PPARGC1B: variants seen among roughly 807,000 people sequenced by gnomAD.
The protein encoded by PPARGC1B is PPARG coactivator 1 beta.
PPARGC1B carries 34 observed loss-of-function variants against 101.6 expected under a neutral mutation model. That is an observed-to-expected ratio of 0.33 (90% CI 0.25 to 0.45). The LOEUF is 0.45. PPARGC1B is among the 20% of genes least tolerant of loss of function. The pLI, the probability that PPARGC1B is intolerant of heterozygous loss-of-function variation, is 1.00. For missense variants in PPARGC1B, 1,234 were observed against 1,317.6 expected, an observed-to-expected ratio of 0.94 and a Z score of 0.98; for synonymous variants, 548 against 539.3, an observed-to-expected ratio of 1.02 and a Z score of -0.22.
intron 1 of PPARGC1B, among the ~76,000 whole-genome samples, chr5:149,754,685 C>G (rs1234631945): frequency 6.6e-6 from 1 of 150,908 alleles, no homozygotes; most frequent in Non-Finnish European, 1.5e-5. Context: ...GTGTCAGAGG[C>G]TGGGCTGACA....
At chr5:149,750,148 G>C (rs1431921020) in intron 1 of PPARGC1B, among the ~76,000 whole-genome samples, 1 of 152,092 alleles carries the variant, frequency 6.6e-6, no homozygotes, top group African/African-American at 2.4e-5. Context: ...AAACGAGTGG[G>C]TTTGGAAGGA....
chr5:149,751,685 G>A (rs1397450724), intron 1 of PPARGC1B, among the ~76,000 whole-genome samples: 10 of 150,578 alleles, frequency 6.6e-5, no homozygotes, highest in Admixed American at 3.3e-4. Flanking sequence ...CAGCCTGGGC[G>A]ACAGAGGAAG....
chr5:149,835,395 C>T (rs748455112), intron 7 of PPARGC1B, 30 bp downstream of exon 7: 1 of 1,601,518 alleles, frequency 6.2e-7, no homozygotes, highest in East Asian at 2.2e-5. Flanking sequence ...CTGGCAGGTG[C>T]CTTCAGGAAA....
In PPARGC1B at chr5:149,800,686, CA is replaced by C. The variant is rs562346485; in HGVS notation, c.79-19746del. Among the ~76,000 whole-genome samples the C allele has an allele frequency of 2.0e-5, 3 of 152,288 alleles. No individual in the cohort carries two copies. The South Asian group carries it at 6.2e-4, about 32-fold the overall frequency. On this transcript the variant is annotated intron_variant, in intron 1 of 11. Coordinates refer to ENST00000309241, the MANE Select transcript of PPARGC1B (RefSeq NM_133263.4). ...TGCTGTTGTCATGTGACAGATGGGG[CA>C]GGGGGAGCTGAGTCCCAACAGGTGG... is the stretch of plus-strand genomic sequence containing the variant.
intron 10 of PPARGC1B, among the ~76,000 whole-genome samples, chr5:149,843,559 C>T (rs192145741): frequency 3.3e-5 from 5 of 152,290 alleles, no homozygotes; most frequent in African/African-American, 1.2e-4. Flanking sequence ...TTAAATGATG[C>T]AGCCGATGTG....
intron 1 of PPARGC1B, among the ~76,000 whole-genome samples, chr5:149,756,622 C>T (rs1755529998): frequency 6.6e-6 from 1 of 152,170 alleles, no homozygotes; most frequent in Non-Finnish European, 1.5e-5. Flanking sequence ...ATTCTGTTGT[C>T]CCCTCCTAGA....
At chr5:149,749,965 C>G (rs1755227671) in intron 1 of PPARGC1B, among the ~76,000 whole-genome samples, 1 of 152,122 alleles carries the variant, frequency 6.6e-6, no homozygotes, top group Non-Finnish European at 1.5e-5. Context: ...ACAGATGGAG[C>G]TAGGAAACAG....
chr5:149,833,722 A>C lies in PPARGC1B; in HGVS notation c.1649A>C (p.Glu550Ala). ...PQIPALESPC[E>A]SGCGDMDEDP... ...ATCCCTGCCCTGGAGAGCCCCTGTGAGAGTGGGTGTGGGGACATGGATGAG... is the reference window on the plus strand; with the variant it reads ...ATCCCTGCCCTGGAGAGCCCCTGTGCGAGTGGGTGTGGGGACATGGATGAG... Residue 550 changes from glutamate to alanine, a missense_variant, in exon 5 of 12, where the codon GAG becomes GCG. Physicochemically the swap from Glu to Ala is moderately radical, Grantham distance 107. Transcript: ENST00000309241. This position sits in a 1 kb window ranked among gnomAD's most constrained non-coding sequence, Gnocchi z 4.1. 1.3e-6 allele frequency: 2 copies of C among 1,597,970 alleles called. No individual in the cohort carries two copies. The highest frequency in any genetic ancestry group is 1.7e-6 in the Non-Finnish European group (2 of 1,174,764).
At chr5:149,732,366 G>C (rs940111076) in intron 1 of PPARGC1B, among the ~76,000 whole-genome samples, 2 of 152,184 alleles carry the variant, frequency 1.3e-5, no homozygotes, top group Admixed American at 1.3e-4. Context: ...GAAATAGCCG[G>C]AGACTCGTTC....
At chr5:149,764,120 C>T (rs966713694) in intron 1 of PPARGC1B, among the ~76,000 whole-genome samples, 1 of 152,216 alleles carries the variant, frequency 6.6e-6, no homozygotes, top group Admixed American at 6.5e-5. Flanking sequence ...TGCACAAGCC[C>T]AGAGTAAGAA....
intron 1 of PPARGC1B, among the ~76,000 whole-genome samples, chr5:149,754,774 ATTTTTTTTTTTTTTTT>A (rs10560122): frequency 1.5e-5 from 1 of 68,408 alleles, no homozygotes; most frequent in African/African-American, 5.7e-5. Flanking sequence ...GAGCATCCTG[ATTTTTTTTTTTTTTTT>A]TTTTTTTTTT....
chr5:149,747,675 C>G (rs1213648679), intron 1 of PPARGC1B, among the ~76,000 whole-genome samples: 4 of 152,242 alleles, frequency 2.6e-5, no homozygotes, highest in Non-Finnish European at 5.9e-5. Flanking sequence ...GGCCTCCAGC[C>G]TACTCCAGCA....
chr5:149,786,449 C>T (rs938345367), intron 1 of PPARGC1B, among the ~76,000 whole-genome samples: 2 of 152,180 alleles, frequency 1.3e-5, no homozygotes, highest in Non-Finnish European at 2.9e-5. Context: ...GTTGCCCAGG[C>T]TGGTCTCAAA....
At chr5:149,827,802 C>A (rs1490473918) in intron 3 of PPARGC1B, among the ~76,000 whole-genome samples, 1 of 152,214 alleles carries the variant, frequency 6.6e-6, no homozygotes, top group African/African-American at 2.4e-5. Flanking sequence ...TCAAAGGAGT[C>A]TGGAACTCAG....
At chr5:149,769,562 C>T (rs945510953) in intron 1 of PPARGC1B, among the ~76,000 whole-genome samples, 2 of 152,148 alleles carry the variant, frequency 1.3e-5, no homozygotes, top group East Asian at 1.9e-4. Flanking sequence ...CCTCTCTGGG[C>T]TTCAGGTTTC....
chr5:149,793,229 T>C (rs180838635), intron 1 of PPARGC1B, among the ~76,000 whole-genome samples: 6 of 152,144 alleles, frequency 3.9e-5, no homozygotes, highest in Non-Finnish European at 8.8e-5. Flanking sequence ...GAGAAGTGGG[T>C]GGAGGCCATG....
At chr5:149,829,369 A>G (rs77617306) in intron 3 of PPARGC1B, among the ~76,000 whole-genome samples, 1 of 152,134 alleles carries the variant, frequency 6.6e-6, no homozygotes, top group African/African-American at 2.4e-5. Context: ...CCATCGAAAA[A>G]GTCACAAACA....
intron 1 of PPARGC1B, among the ~76,000 whole-genome samples, chr5:149,759,819 G>C (rs1288012871): frequency 6.6e-6 from 1 of 152,144 alleles, no homozygotes; most frequent in African/African-American, 2.4e-5. Context: ...CTGGGCCAGG[G>C]GCCACCCACA....
intron 1 of PPARGC1B, among the ~76,000 whole-genome samples, chr5:149,750,337 A>G (rs1032351677): frequency 4.6e-5 from 7 of 151,654 alleles, no homozygotes; most frequent in African/African-American, 1.7e-4. Flanking sequence ...CTACTGACAG[A>G]TGATATCTAC....
Sources: allele counts gnomAD v4.1 joint callset (sites outside exome capture counted in the v4.1 genomes callset), GRCh38; gene constraint gnomAD v4.1.1; non-coding constraint Gnocchi (gnomAD v3.1); transcripts MANE v1.5; gene names NCBI Gene and HGNC (gene_info 2026-07-23, HGNC 2026-07-21).